The following LNX2 variants were observed in gnomAD, a reference collection of about 807,000 sequenced individuals.
LNX2 encodes the protein ligand of numb-protein X 2.
LNX2 carries 35 observed loss-of-function variants against 66.2 expected under a neutral mutation model. That is an observed-to-expected ratio of 0.53 (90% CI 0.40 to 0.70). The LOEUF (loss-of-function observed/expected upper bound fraction) is 0.70. LNX2 is among the 30% of genes least tolerant of loss of function. The pLI, the probability that LNX2 is intolerant of heterozygous loss-of-function variation, is 0.00. For missense variants in LNX2, 791 were observed against 850.8 expected (o/e 0.93, Z 0.87); for synonymous variants, 337 against 315.6 (o/e 1.07, Z -0.72).
In LNX2 at chr13:27,553,298, T is replaced by C; in HGVS notation, c.1688A>G (p.Gln563Arg). 3 of 1,614,220 alleles carry C rather than the reference T, an allele frequency of 1.9e-6. No individual in the cohort carries two copies. The highest frequency in any genetic ancestry group is 2.5e-6 in the Non-Finnish European group (3 of 1,180,038). Residue 563 changes from glutamine (Q) to arginine (R), a missense_variant, in exon 8 of 10, where the codon CAG (glutamine) becomes CGG (arginine). By Grantham distance (43) the Gln-to-Arg change is conservative. Coordinates refer to ENST00000316334, the MANE Select transcript of LNX2 (RefSeq NM_153371.4). ...AGTACTCGGCTGCTCCTCCGCGTTCTGAGTCGCCTCCTCAACAATCTGGAC... is the reference window on the plus strand; with the variant it reads ...AGTACTCGGCTGCTCCTCCGCGTTCCGAGTCGCCTCCTCAACAATCTGGAC... Reference protein sequence around the residue: ...LEVQIVEEATQNAEEQPSTFS... With the variant: ...LEVQIVEEATRNAEEQPSTFS...
intron 1 of LNX2, among the ~76,000 whole-genome samples, chr13:27,587,511 T>C (rs758675562): frequency 6.6e-6 from 1 of 152,230 alleles, no homozygotes; most frequent in Non-Finnish European, 1.5e-5. Context: ...TATGTATAAC[T>C]ATATTCATAT....
intron 1 of LNX2, among the ~76,000 whole-genome samples, chr13:27,594,027 T>C (rs1955572258): frequency 6.6e-6 from 1 of 152,168 alleles, no homozygotes; most frequent in African/African-American, 2.4e-5. Flanking sequence ...GGAAGACTTC[T>C]GATTTACATT....
chr13:27,615,240 A>C (rs1257543265), intron 1 of LNX2, among the ~76,000 whole-genome samples: 2 of 152,242 alleles, frequency 1.3e-5, no homozygotes, highest in Non-Finnish European at 2.9e-5. Flanking sequence ...TTGCTAGAGC[A>C]GCTCACAGAA....
chr13:27,581,514 G>A lies in LNX2; in HGVS notation c.190C>T (p.Pro64Ser). The change falls in exon 2 of 10, where the codon CCC becomes TCC. Residue 64 changes from proline to serine, a missense_variant. By Grantham distance (74) the Pro-to-Ser change is moderately conservative (BLOSUM62 -1). Coordinates refer to ENST00000316334, the MANE Select transcript of LNX2 (RefSeq NM_153371.4). ...LQPLLQPLDT[P>S]CGHTFCYKCL... Reference sequence around the variant, plus strand: ...TTGTAGCAGAATGTATGTCCACAGGGTGTGTCTAGTGGCTGCAGCAGAGGT... The same window carrying A: ...TTGTAGCAGAATGTATGTCCACAGGATGTGTCTAGTGGCTGCAGCAGAGGT... The A allele has an allele frequency of 6.2e-7, 1 of 1,614,096 alleles. No homozygotes were observed. Among genetic ancestry groups the A allele is most frequent in the Non-Finnish European group, 8.5e-7 (1 of 1,179,970 alleles).
chr13:27,550,990 T>C (rs1488371349), intron 8 of LNX2, among the ~76,000 whole-genome samples: 5 of 152,260 alleles, frequency 3.3e-5, no homozygotes, highest in Non-Finnish European at 5.9e-5. Flanking sequence ...AAAGGTCCTA[T>C]AGGCTTTTAG....
At chr13:27,610,670 G>T (rs572946979) in intron 1 of LNX2, among the ~76,000 whole-genome samples, 14 of 152,198 alleles carry the variant, frequency 9.2e-5, no homozygotes, top group African/African-American at 3.4e-4. Flanking sequence ...AAAAACTTTT[G>T]CACATCAAAG....
At chr13:27,583,261 C>CGCGCGTGT (rs11281345) in intron 1 of LNX2, among the ~76,000 whole-genome samples, 1 of 45,488 alleles carries the variant, frequency 2.2e-5, no homozygotes, top group Admixed American at 2.2e-4. Flanking sequence ...TGTGTGCGCG[C>CGCGCGTGT]GTCCTCTCCA....
intron 1 of LNX2, among the ~76,000 whole-genome samples, chr13:27,608,049 TC>T (rs68136873): frequency 0.058 from 8,881 of 152,286 alleles, 269 homozygotes; most frequent in Middle Eastern, 0.099. Context: ...AGAACAGAGA[TC>T]CCACCTGTCT....
chr13:27,602,283 T>C (rs1955665916), intron 1 of LNX2, among the ~76,000 whole-genome samples: 1 of 152,184 alleles, frequency 6.6e-6, no homozygotes, highest in African/African-American at 2.4e-5. Flanking sequence ...AAGCTTTTGC[T>C]AAATGCATAC....
chr13:27,600,556 T>G (rs1161160157), intron 1 of LNX2, among the ~76,000 whole-genome samples: 1 of 152,118 alleles, frequency 6.6e-6, no homozygotes, highest in Non-Finnish European at 1.5e-5. Context: ...TGAGCAACTG[T>G]GTGTAGAATT....
At chr13:27,615,421 C>T (rs1337146091) in intron 1 of LNX2, among the ~76,000 whole-genome samples, 1 of 152,224 alleles carries the variant, frequency 6.6e-6, no homozygotes, top group African/African-American at 2.4e-5. Context: ...TCCAGAAGCT[C>T]TCTGAACCCT....
At chr13:27,616,482 T>C (rs1049032688) in intron 1 of LNX2, among the ~76,000 whole-genome samples, 1 of 152,148 alleles carries the variant, frequency 6.6e-6, no homozygotes, top group Non-Finnish European at 1.5e-5. Flanking sequence ...CCTGAAACTG[T>C]CTCTCAGGTT....
intron 8 of LNX2, among the ~76,000 whole-genome samples, chr13:27,552,072 A>C (rs1362470180): frequency 6.6e-6 from 1 of 152,194 alleles, no homozygotes; most frequent in Non-Finnish European, 1.5e-5. Context: ...GGGCTCAAAA[A>C]CAGATTTTAC....
intron 1 of LNX2, among the ~76,000 whole-genome samples, chr13:27,607,643 A>G (rs1177125368): frequency 6.6e-6 from 1 of 152,232 alleles, no homozygotes; most frequent in Non-Finnish European, 1.5e-5. Flanking sequence ...TCAAGTTTGT[A>G]AAAACTCAAC....
At chr13:27,560,565 G>GTGTATATA (rs35007288) in intron 5 of LNX2, among the ~76,000 whole-genome samples, 7 of 120,010 alleles carry the variant, frequency 5.8e-5, no homozygotes, top group African/African-American at 2.0e-4. Flanking sequence ...ATGTATGTGT[G>GTGTATATA]TATATATATA....
intron 1 of LNX2, among the ~76,000 whole-genome samples, chr13:27,603,465 CAAA>C (rs920501651): frequency 3.4e-4 from 51 of 152,116 alleles, no homozygotes; most frequent in African/African-American, 1.2e-3. Context: ...CAGAAACAAG[CAAA>C]TCACTCTTGG....
intron 1 of LNX2, among the ~76,000 whole-genome samples, chr13:27,589,790 A>G (rs1015533412): frequency 1.3e-5 from 2 of 152,242 alleles, no homozygotes; most frequent in Admixed American, 6.5e-5. Flanking sequence ...AAGGAAATAT[A>G]TTAAATATCA....
chr13:27,579,505 A>G (rs1955375728), intron 2 of LNX2, among the ~76,000 whole-genome samples: 1 of 152,212 alleles, frequency 6.6e-6, no homozygotes, highest in African/African-American at 2.4e-5. Context: ...AGCCTTTACC[A>G]ACATGTAAAT....
At position 27,602,016 on chromosome 13, in the gene LNX2, A is replaced by C. The variant is rs559474245; in HGVS notation, c.-101+18359T>G. Among the ~76,000 whole-genome samples, 7 of 152,350 alleles carry C rather than the reference A, an allele frequency of 4.6e-5. No individual in the cohort carries two copies. The East Asian group carries it at 1.2e-3, about 25-fold the overall frequency. On this transcript the variant is annotated intron_variant, in intron 1 of 9. Coordinates refer to ENST00000316334, the MANE Select transcript of LNX2 (RefSeq NM_153371.4). The stretch of plus-strand genomic sequence containing the variant: ...GTTTTATCAACTTCATGATCTTCAA[A>C]GTAAATGCAGAAGTCAGTACACTCC...
Sources: allele counts gnomAD v4.1 joint callset (sites outside exome capture counted in the v4.1 genomes callset), GRCh38; gene constraint gnomAD v4.1.1; transcripts MANE v1.5; gene names NCBI Gene and HGNC (gene_info 2026-07-23, HGNC 2026-07-21).